C8orf34: variants seen among roughly 807,000 people sequenced by gnomAD.
C8orf34 encodes the protein chromosome 8 open reading frame 34.
In C8orf34, 65 loss-of-function variants were observed where a neutral mutation model predicts 68.3. The ratio of observed to expected loss-of-function variants is 0.95; its 90% confidence interval spans 0.78 to 1.17. C8orf34 has a LOEUF of 1.17. Among genes scored for constraint, C8orf34 ranks in the 50% most tolerant of loss-of-function variants. C8orf34 has a pLI of 0.00. For synonymous variants in C8orf34, 244 were observed against 241.2 expected, an observed-to-expected ratio of 1.01 and a Z score of -0.11; for missense variants, 664 against 655.4, an observed-to-expected ratio of 1.01 and a Z score of -0.14.
At chr8:68,569,756 A>T (rs935751995) in intron 7 of C8orf34, among the ~76,000 whole-genome samples, 2 of 152,244 alleles carry the variant, frequency 1.3e-5, no homozygotes, top group Non-Finnish European at 2.9e-5. Flanking sequence ...AATTCACAGG[A>T]CAATGTCACT....
Position 68,818,320 on chromosome 8 carries a change from T to C in C8orf34, c.*74T>C. 6.9e-7 allele frequency: 1 copy of C among 1,443,118 alleles called. No individual in the cohort carries two copies. The highest frequency in any genetic ancestry group is 9.7e-7 in the Non-Finnish European group (1 of 1,030,746). The allele number at this position is 1,443,118 out of a possible 1,614,324, so 89.4% of individuals were successfully genotyped here. On this transcript the variant is annotated 3_prime_UTR_variant, in exon 14 of 14. Coordinates refer to ENST00000518698, the MANE Select transcript of C8orf34 (RefSeq NM_052958.4). Reference sequence around the variant, plus strand: ...AAATCCTTATGTATAGTTCTAATTTTATTTACTATGTGTAATCATTTAGAG... The same window carrying C: ...AAATCCTTATGTATAGTTCTAATTTCATTTACTATGTGTAATCATTTAGAG...
chr8:68,745,916 G>T (rs988347681), intron 10 of C8orf34, among the ~76,000 whole-genome samples: 1 of 152,020 alleles, frequency 6.6e-6, no homozygotes. Context: ...CTCCACCCCA[G>T]ATCAACAGAA....
chr8:68,792,522 A>C (rs946027841), intron 12 of C8orf34: 2 of 138,484 alleles, frequency 1.4e-5, no homozygotes, highest in African/African-American at 2.7e-5. Context: ...CAGTGAGCCG[A>C]GATCACACCA....
intron 6 of C8orf34, among the ~76,000 whole-genome samples, chr8:68,528,353 A>G (rs1289095896): frequency 6.6e-6 from 1 of 152,098 alleles, no homozygotes; most frequent in Admixed American, 6.5e-5. Context: ...TTTCTAGTTT[A>G]TTGCCTCTGA....
intron 4 of C8orf34, among the ~76,000 whole-genome samples, chr8:68,472,527 A>C (rs1050430862): frequency 3.3e-5 from 5 of 152,146 alleles, no homozygotes; most frequent in Non-Finnish European, 7.4e-5. Flanking sequence ...CTCACACTCA[A>C]AGAGGAAAAG....
At chr8:68,805,817 G>T (rs1046151422) in intron 12 of C8orf34, among the ~76,000 whole-genome samples, 30 of 152,070 alleles carry the variant, frequency 2.0e-4, no homozygotes, top group African/African-American at 6.7e-4. Context: ...TTACTTGTGC[G>T]TAGTGTAATT....
At chr8:68,380,860 G>C (rs1221735701) in intron 1 of C8orf34, among the ~76,000 whole-genome samples, 2 of 152,164 alleles carry the variant, frequency 1.3e-5, no homozygotes, top group Non-Finnish European at 2.9e-5. Flanking sequence ...TATCTCAGAA[G>C]ATTGTTTTGG....
intron 3 of C8orf34, among the ~76,000 whole-genome samples, chr8:68,465,821 G>T (rs1398258040): frequency 6.6e-6 from 1 of 151,800 alleles, no homozygotes; most frequent in African/African-American, 2.4e-5. Context: ...GCAGGGGGGA[G>T]GGATAGCATT....
chr8:68,534,212 A>C, intron 7 of C8orf34: 2 of 985,386 alleles, frequency 2.0e-6, no homozygotes, highest in Non-Finnish European at 2.4e-6. Flanking sequence ...TGCTGTAAAA[A>C]CTGCATTCAT....
At chr8:68,545,610 GC>G (rs1815849303) in intron 7 of C8orf34, among the ~76,000 whole-genome samples, 2 of 152,014 alleles carry the variant, frequency 1.3e-5, no homozygotes, top group Admixed American at 1.3e-4. Flanking sequence ...TCAAAAAAAT[GC>G]CTTCCAAAAT....
chr8:68,610,454 T>C (rs1333539623), intron 7 of C8orf34, among the ~76,000 whole-genome samples: 1 of 152,186 alleles, frequency 6.6e-6, no homozygotes, highest in East Asian at 1.9e-4. Context: ...GAATGCATGT[T>C]AGTATAGTAA....
intron 12 of C8orf34, among the ~76,000 whole-genome samples, chr8:68,794,692 G>A (rs1369653641): frequency 6.6e-6 from 1 of 150,542 alleles, no homozygotes; most frequent in Non-Finnish European, 1.5e-5. Context: ...TCACCATGTT[G>A]CCCAGGTTGG....
intron 7 of C8orf34, among the ~76,000 whole-genome samples, chr8:68,634,121 C>A (rs1818770522): frequency 6.6e-6 from 1 of 152,114 alleles, no homozygotes; most frequent in African/African-American, 2.4e-5. Flanking sequence ...GGAAGGCTTA[C>A]AGGTTGAGAT....
At chr8:68,800,245 A>G (rs1824293068) in intron 12 of C8orf34, among the ~76,000 whole-genome samples, 1 of 152,168 alleles carries the variant, frequency 6.6e-6, no homozygotes, top group South Asian at 2.1e-4. Context: ...GGCTCTTTGC[A>G]TATGTCATGA....
At chr8:68,493,459 C>A (rs1256173331) in intron 5 of C8orf34, among the ~76,000 whole-genome samples, 1 of 151,990 alleles carries the variant, frequency 6.6e-6, no homozygotes, top group Admixed American at 6.6e-5. Context: ...TATCAGAAAA[C>A]AAACAAACAA....
chr8:68,473,201 TTCTC>T (rs1272615314), intron 4 of C8orf34, among the ~76,000 whole-genome samples: 1 of 152,100 alleles, frequency 6.6e-6, no homozygotes, highest in African/African-American at 2.4e-5. Flanking sequence ...AGGAGAACAG[TTCTC>T]TCTCTTGTAA....
At chr8:68,581,310 G>A (rs1369035489) in intron 7 of C8orf34, among the ~76,000 whole-genome samples, 3 of 152,088 alleles carry the variant, frequency 2.0e-5, no homozygotes, top group Non-Finnish European at 4.4e-5. Context: ...CTGTGTCCAT[G>A]TGTCTTTAGA....
intron 7 of C8orf34, chr8:68,625,767 T>C (rs898775297): frequency 2.1e-6 from 1 of 481,098 alleles, no homozygotes; most frequent in African/African-American, 2.0e-5. Context: ...AAGGGTCTTC[T>C]TTTGAATTTG....
At chr8:68,384,154 TA>T (rs1313164608) in intron 1 of C8orf34, among the ~76,000 whole-genome samples, 1 of 152,238 alleles carries the variant, frequency 6.6e-6, no homozygotes, top group East Asian at 1.9e-4. Context: ...TTCTATTTTC[TA>T]AGACTATTAT....
Sources: allele counts gnomAD v4.1 joint callset (sites outside exome capture counted in the v4.1 genomes callset), GRCh38; gene constraint gnomAD v4.1.1; transcripts MANE v1.5; gene names NCBI Gene and HGNC (gene_info 2026-07-23, HGNC 2026-07-21).